The following SETD2 variants were observed in gnomAD, a reference collection of about 807,000 sequenced individuals.
SETD2 encodes SET domain containing 2, histone lysine methyltransferase.
A neutral mutation model predicts 242.1 loss-of-function variants in SETD2; 31 were observed. The observed-to-expected ratio is 0.13, with a 90% CI of 0.10 to 0.17. The LOEUF is 0.17. Among genes scored for constraint, SETD2 ranks in the 10% least tolerant of loss-of-function variants. The pLI is 1.00. For synonymous variants in SETD2, 1,006 were observed against 1,066.5 expected (o/e 0.94, Z 1.11); for missense variants, 2,481 against 3,046.3 (o/e 0.81, Z 4.37).
intron 1 of SETD2, among the ~76,000 whole-genome samples, chr3:47,138,064 C>A (rs1435841394): frequency 6.8e-6 from 1 of 147,320 alleles, no homozygotes. Context: ...CTCCGCCTCC[C>A]GGGTTCACGC....
At chr3:47,098,971 G>A (rs982672573) in intron 8 of SETD2, among the ~76,000 whole-genome samples, 1 of 152,120 alleles carries the variant, frequency 6.6e-6, no homozygotes, top group South Asian at 2.1e-4. Context: ...AAGCACAGAG[G>A]CAAAAAAATG....
intron 3 of SETD2, among the ~76,000 whole-genome samples, chr3:47,119,048 CA>C (rs1220587762): frequency 6.6e-6 from 1 of 152,076 alleles, no homozygotes; most frequent in Admixed American, 6.5e-5. Context: ...ACCTTATACA[CA>C]GAGGAAAATT....
intron 1 of SETD2, among the ~76,000 whole-genome samples, chr3:47,154,928 A>G (rs987632842): frequency 1.3e-5 from 2 of 152,030 alleles, no homozygotes; most frequent in African/African-American, 4.8e-5. Context: ...CAGGAGGCGG[A>G]GCTTGCAGTG....
intron 15 of SETD2, among the ~76,000 whole-genome samples, chr3:47,053,474 C>T (rs1470843206): frequency 6.6e-6 from 1 of 152,138 alleles, no homozygotes. Context: ...GAGTAAGTCA[C>T]TTATTAGTGT....
chr3:47,078,425 A>G (rs2041184608), intron 12 of SETD2, among the ~76,000 whole-genome samples: 2 of 152,190 alleles, frequency 1.3e-5, no homozygotes, highest in Admixed American at 1.3e-4. Context: ...AACTTTATAA[A>G]AAATAAAGGC....
At chr3:47,048,474 G>A (rs2039634490) in intron 15 of SETD2, among the ~76,000 whole-genome samples, 1 of 152,176 alleles carries the variant, frequency 6.6e-6, no homozygotes, top group South Asian at 2.1e-4. Context: ...TTGAGTAAGT[G>A]AGTGGTGAGT....
At chr3:47,117,679 T>C (rs1427765501) in intron 3 of SETD2, among the ~76,000 whole-genome samples, 1 of 152,222 alleles carries the variant, frequency 6.6e-6, no homozygotes, top group Non-Finnish European at 1.5e-5. Context: ...ATTTTTTAAA[T>C]GAAGTGTAAT....
At position 47,122,387 on chromosome 3, in the gene SETD2, T is replaced by C. The variant is rs1248447305; in HGVS notation, c.2249A>G (p.Glu750Gly). The C allele has an allele frequency of 6.2e-7, 1 of 1,614,112 alleles. No individual in the cohort carries two copies. The highest frequency in any genetic ancestry group is 8.5e-7 in the Non-Finnish European group (1 of 1,179,982). ...ATCTTGGTGTGGTGACACCAGAGGTTCTGTTTCTCTAAATGGGCTTTCTGA... is the reference window on the plus strand; with the variant it reads ...ATCTTGGTGTGGTGACACCAGAGGTCCTGTTTCTCTAAATGGGCTTTCTGA... ...KKSESPFRET[E>G]PLVSPHQDKL... Residue 750 changes from glutamate to glycine, a missense_variant, in exon 3 of 21, where the codon GAA becomes GGA. Around this residue, in one of 17 missense-constraint regions of SETD2, gnomAD observed 1,300 missense variants for 1,259.2 expected, o/e 1.03. Coordinates refer to ENST00000409792, the MANE Select transcript of SETD2 (RefSeq NM_014159.7).
chr3:47,071,151 A>T (rs928471949), intron 12 of SETD2, among the ~76,000 whole-genome samples: 4 of 152,180 alleles, frequency 2.6e-5, no homozygotes, highest in Non-Finnish European at 4.4e-5. Context: ...ATATTCTGTA[A>T]GTTAGGTTCT....
chr3:47,047,376 T>A (rs1028470681), intron 15 of SETD2, among the ~76,000 whole-genome samples: 1 of 152,216 alleles, frequency 6.6e-6, no homozygotes, highest in Non-Finnish European at 1.5e-5. Context: ...ATAGAAAATC[T>A]GCTTAAATAA....
chr3:47,067,809 G>A (rs2107602390), intron 12 of SETD2, among the ~76,000 whole-genome samples: 1 of 152,266 alleles, frequency 6.6e-6, no homozygotes, highest in South Asian at 2.1e-4. Flanking sequence ...AAAATTGTAT[G>A]TGTAAAGACA....
rs2043190846 is a variant in SETD2 at position 47,123,454 on chromosome 3, A to T, written c.1182T>A (p.Cys394Ter). 1.9e-6 allele frequency: 3 copies of T among 1,551,592 alleles called. No homozygotes were observed. The highest frequency in any genetic ancestry group is 2.6e-6 in the Non-Finnish European group (3 of 1,146,972). Residue 394 changes from cysteine (C) to a stop codon, truncating the protein, a stop_gained, in exon 3 of 21, where the codon TGT (cysteine) becomes TGA (stop). Transcript: ENST00000409792. LOFTEE classifies it high-confidence loss of function. ...ERDTRYVSSR[C>*]RSERERRRSR... ...TCCGCCGTCGCTCTCTTTCTGATCT[A>T]CATCGGGAAGATACATACCGAGTAT...
chr3:47,116,484 A>G (rs957011481), intron 4 of SETD2, 139 bp downstream of exon 4: 7 of 715,874 alleles, frequency 9.8e-6, no homozygotes, highest in Non-Finnish European at 1.6e-5. Flanking sequence ...ACTATACATC[A>G]AAGTGTCTAC....
At chr3:47,100,603 G>A (rs894813649) in intron 8 of SETD2, among the ~76,000 whole-genome samples, 4 of 152,116 alleles carry the variant, frequency 2.6e-5, no homozygotes, top group African/African-American at 9.7e-5. Flanking sequence ...TTTACATAAT[G>A]TGCTTCAAAC....
At chr3:47,042,905 G>A (rs910050235) in intron 16 of SETD2, among the ~76,000 whole-genome samples, 2 of 151,930 alleles carry the variant, frequency 1.3e-5, no homozygotes, top group East Asian at 1.9e-4. Flanking sequence ...TTGGCTCTAA[G>A]TTTACCATCC....
intron 5 of SETD2, among the ~76,000 whole-genome samples, chr3:47,108,274 T>A (rs1228643893): frequency 6.6e-6 from 1 of 152,148 alleles, no homozygotes; most frequent in African/African-American, 2.4e-5. Context: ...AAAAAATATT[T>A]CCAATCCCTC....
chr3:47,052,397 T>G (rs560031805), intron 15 of SETD2, among the ~76,000 whole-genome samples: 2 of 152,312 alleles, frequency 1.3e-5, no homozygotes, highest in South Asian at 2.1e-4. Context: ...GGTTTCAAAC[T>G]CCTGGGTTCA....
In SETD2 at chr3:47,084,241, T is replaced by G. The variant is rs1559701946; in HGVS notation, c.5539A>C (p.Asn1847His). The G allele has an allele frequency of 1.2e-6, 2 of 1,614,132 alleles. No individual in the cohort carries two copies. Among genetic ancestry groups the G allele is most frequent in the Non-Finnish European group, 1.7e-6 (2 of 1,180,008 alleles). The change falls in exon 12 of 21, where the codon AAT (asparagine) becomes CAT (histidine). Residue 1847 changes from asparagine (N) to histidine (H), a missense_variant. By Grantham distance (68) the Asn-to-His change is moderately conservative. This residue lies in a region of SETD2 where 203 missense variants were observed against 222.4 expected (regional missense o/e 0.91). Coordinates refer to ENST00000409792, the MANE Select transcript of SETD2 (RefSeq NM_014159.7). ...LSEGDGYSSE[N>H]TSRAHTPLNT... ...AGTGGTGTATGAGCACGCGATGTAT[T>G]CTCACTAGAATACCCATCTCCTTCA...
chr3:47,121,338 G>A lies in SETD2; in HGVS notation c.3298C>T (p.His1100Tyr), dbSNP rs2106646628. The change falls in exon 3 of 21, where the codon CAT becomes TAT. Residue 1100 changes from histidine to tyrosine, a missense_variant. This residue lies in a region of SETD2 where 1,300 missense variants were observed against 1,259.2 expected (regional missense o/e 1.03). Transcript: ENST00000409792. ...GACTCCAATCTCTCATCTTCCCAAT[G>A]GTCAGAATAGTGTCTATAACTTTGA... ...SSQSYRHYSDHWEDERLESRR... is the reference protein window; with the variant it reads ...SSQSYRHYSDYWEDERLESRR... 2 of 1,610,534 alleles carry A rather than the reference G, an allele frequency of 1.2e-6. No homozygotes were observed. The highest frequency in any genetic ancestry group is 1.7e-6 in the Non-Finnish European group (2 of 1,179,970).
Sources: gnomAD v4.1 joint callset for allele counts (sites outside exome capture counted in the v4.1 genomes callset) on GRCh38, gnomAD v4.1.1 for gene constraint, gnomAD v4.1.1 regional missense constraint, MANE v1.5 for transcripts, NCBI Gene and HGNC (gene_info 2026-07-23, HGNC 2026-07-21) for gene names.